Variants in HMSD observed in about 807,000 individuals in gnomAD.
The protein encoded by HMSD is histocompatibility minor serpin domain containing.
In HMSD, 13 loss-of-function variants were observed where a neutral mutation model predicts 10.0. The observed-to-expected ratio is 1.31, with a 90% CI of 0.85 to 2.08. The LOEUF is 2.08. HMSD is among the 30% of genes most tolerant of loss of function. The pLI is 0.00. For missense variants in HMSD, 169 were observed against 166.3 expected, an observed-to-expected ratio of 1.02 and a Z score of -0.09; for synonymous variants, 51 against 54.2, an observed-to-expected ratio of 0.94 and a Z score of 0.26.
chr18:63,960,347 C>A lies in HMSD; in HGVS notation c.412C>A (p.Gln138Lys). Residue 138 changes from glutamine to lysine, a missense_variant, in exon 4 of 4, where the codon CAA becomes AAA. By Grantham distance (53) the Gln-to-Lys change is moderately conservative. Coordinates refer to ENST00000408945, the MANE Select transcript of HMSD (RefSeq NM_001123366.2). ...TATAGTCAGTTCTTTACAAAACTGT[C>A]AAATATAAAAAGGAGTCCTTTTTTC... Reference protein sequence around the residue: ...SFIVSSLQNCQI With the variant: ...SFIVSSLQNCKI 2 of 1,577,164 alleles carry A rather than the reference C, an allele frequency of 1.3e-6. No individual in the cohort carries two copies. Among genetic ancestry groups the A allele is most frequent in the South Asian group, 1.2e-5 (1 of 85,088 alleles).
At chr18:63,967,231 C>T (rs2050413776) in intron 3 of HMSD, among the ~76,000 whole-genome samples, 1 of 152,142 alleles carries the variant, frequency 6.6e-6, no homozygotes, top group Non-Finnish European at 1.5e-5. Flanking sequence ...TCCCGAGGTT[C>T]AAGCAGTTCT....
chr18:63,967,467 T>C (rs1034477906), intron 3 of HMSD, among the ~76,000 whole-genome samples: 6 of 152,174 alleles, frequency 3.9e-5, no homozygotes, highest in East Asian at 1.9e-4. Context: ...TATTTGTGCA[T>C]TTTACAGCAA....
At chr18:63,956,440 T>C (rs1375757917) in intron 3 of HMSD, among the ~76,000 whole-genome samples, 2 of 151,984 alleles carry the variant, frequency 1.3e-5, no homozygotes, top group Non-Finnish European at 2.9e-5. Context: ...CAGACACTTT[T>C]CAAAAGATGA....
At chr18:63,958,153 G>A (rs1037590193) in intron 3 of HMSD, among the ~76,000 whole-genome samples, 1 of 152,156 alleles carries the variant, frequency 6.6e-6, no homozygotes, top group African/African-American at 2.4e-5. Context: ...AGTGTACATC[G>A]ATCAGTTACG....
downstream of HMSD, chr18:63,961,935 G>A (rs935452864): frequency 2.0e-5 from 3 of 152,186 alleles, no homozygotes; most frequent in Non-Finnish European, 4.4e-5. Flanking sequence ...AATCAAAACA[G>A]CTACAATTCC....
chr18:63,957,602 A>G (rs1194097420), intron 3 of HMSD, among the ~76,000 whole-genome samples: 1 of 152,176 alleles, frequency 6.6e-6, no homozygotes. Context: ...TAAGATTTGT[A>G]TATGATATTG....
At chr18:63,965,802 A>C (rs2050407003), downstream of HMSD, among the ~76,000 whole-genome samples, 1 of 152,206 alleles carries the variant, frequency 6.6e-6, no homozygotes, top group Non-Finnish European at 1.5e-5. Flanking sequence ...ATTCTGCAGA[A>C]TATACAAGAG....
Position 63,958,701 on chromosome 18 carries a change from T to C in HMSD, c.223-1457T>C, listed in dbSNP as rs575117877. On this transcript the variant is annotated intron_variant, in intron 3 of 3. Coordinates refer to ENST00000408945, the MANE Select transcript of HMSD (RefSeq NM_001123366.2). ...TATAAGGTTTCCATGAAATTAATTATTCAGTTCCTCAGTCCAACTAGCTAT... is the reference window on the plus strand; with the variant it reads ...TATAAGGTTTCCATGAAATTAATTACTCAGTTCCTCAGTCCAACTAGCTAT... 1.1e-3 allele frequency among the ~76,000 whole-genome samples: 166 copies of C among 152,284 alleles called. 1 individual carries two copies. Among genetic ancestry groups the C allele is most frequent in the African/African-American group, 3.9e-3 (161 of 41,582 alleles).
At chr18:63,962,627 C>A (rs970727825), downstream of HMSD, among the ~76,000 whole-genome samples, 1 of 152,178 alleles carries the variant, frequency 6.6e-6, no homozygotes, top group African/African-American at 2.4e-5. Context: ...GTCCTGAGAG[C>A]CTTCACTCCT....
chr18:63,958,390 T>C (rs1190010502), intron 3 of HMSD, among the ~76,000 whole-genome samples: 1 of 152,136 alleles, frequency 6.6e-6, no homozygotes. Context: ...TACAGAAGTA[T>C]AAAATTCCAA....
chr18:63,969,363 CT>C (rs2050430145), intron 3 of HMSD: 1 of 152,116 alleles, frequency 6.6e-6, no homozygotes, highest in African/African-American at 2.4e-5. Flanking sequence ...TGGATCAGAA[CT>C]GTAGGTAGGA....
At chr18:63,958,263 C>T (rs1270341664) in intron 3 of HMSD, among the ~76,000 whole-genome samples, 1 of 152,094 alleles carries the variant, frequency 6.6e-6, no homozygotes, top group Non-Finnish European at 1.5e-5. Flanking sequence ...CCTTGTTCTA[C>T]AGGAGAGAAC....
chr18:63,959,278 T>C (rs1455534176), intron 3 of HMSD, among the ~76,000 whole-genome samples: 2 of 152,238 alleles, frequency 1.3e-5, no homozygotes, highest in African/African-American at 4.8e-5. Flanking sequence ...TATACAATAT[T>C]GTATTCCCAC....
chr18:63,969,096 T>G (rs958492876), intron 3 of HMSD, among the ~76,000 whole-genome samples: 1 of 152,152 alleles, frequency 6.6e-6, no homozygotes, highest in South Asian at 2.1e-4. Flanking sequence ...TTATTTGAAC[T>G]GAATTTTGAA....
At chr18:63,969,645 A>G (rs1456556276) in intron 3 of HMSD, 2 of 152,234 alleles carry the variant, frequency 1.3e-5, no homozygotes, top group Non-Finnish European at 2.9e-5. Context: ...TATTATAATG[A>G]AAAGAAGAGG....
intron 1 of HMSD, among the ~76,000 whole-genome samples, chr18:63,950,646 G>A (rs1310988330): frequency 6.6e-6 from 1 of 150,556 alleles, no homozygotes; most frequent in African/African-American, 2.5e-5. Context: ...AGAACTCTGT[G>A]TTACGCAAAT....
chr18:63,954,356 TGAA>T (rs2144757862), intron 2 of HMSD, 49 bp from the exon 3 acceptor site: 1 of 1,338,004 alleles, frequency 7.5e-7, no homozygotes, highest in Non-Finnish European at 1.1e-6. Flanking sequence ...GCCTATATTT[TGAA>T]GTCACAGAAT....
intron 3 of HMSD, among the ~76,000 whole-genome samples, chr18:63,959,929 G>A (rs1360640789): frequency 1.3e-5 from 2 of 152,124 alleles, no homozygotes; most frequent in African/African-American, 4.8e-5. Context: ...GGATCCAGCA[G>A]TTGATGAAAA....
chr18:63,950,245 G>C (rs1329423000), intron 1 of HMSD, among the ~76,000 whole-genome samples: 2 of 151,732 alleles, frequency 1.3e-5, no homozygotes, highest in Non-Finnish European at 1.5e-5. Context: ...GTGAAACCCA[G>C]TCTCTACTAA....
Sources: allele counts gnomAD v4.1 joint callset (sites outside exome capture counted in the v4.1 genomes callset), GRCh38; gene constraint gnomAD v4.1.1; transcripts MANE v1.5; gene names NCBI Gene and HGNC (gene_info 2026-07-23, HGNC 2026-07-21).